Variants in LARGE1 observed in about 807,000 individuals in gnomAD.
LARGE1 encodes the protein xylosyl- and glucuronyltransferase LARGE1.
In LARGE1, 43 loss-of-function variants were observed where a neutral mutation model predicts 87.6. The observed-to-expected ratio is 0.49, with a 90% CI of 0.38 to 0.63. The LOEUF is 0.63. LARGE1 is among the 30% of genes least tolerant of loss of function. The probability of loss-of-function intolerance (pLI) is 0.00; values close to 1 mark genes in which losing one functional copy is unlikely to be tolerated. For synonymous variants in LARGE1, 434 were observed against 394.6 expected, an observed-to-expected ratio of 1.10 and a Z score of -1.18; for missense variants, 802 against 1,000.2, an observed-to-expected ratio of 0.80 and a Z score of 2.67.
chr22:33,303,020 A>G (rs1015556720), intron 12 of LARGE1, among the ~76,000 whole-genome samples: 2 of 152,208 alleles, frequency 1.3e-5, no homozygotes, highest in African/African-American at 4.8e-5. Context: ...GGCAGTAAAT[A>G]AAGGATTTTT....
chr22:33,499,843 G>A (rs556308412), intron 6 of LARGE1, among the ~76,000 whole-genome samples: 2 of 152,118 alleles, frequency 1.3e-5, no homozygotes, highest in Non-Finnish European at 1.5e-5. Flanking sequence ...GTGCAATCTC[G>A]GCTCACTGCA....
chr22:33,875,701 C>A (rs73154546), intron 1 of LARGE1, among the ~76,000 whole-genome samples: 3,752 of 152,270 alleles, frequency 0.025, 78 homozygotes, highest in Middle Eastern at 0.058. Flanking sequence ...TGGGAGGAAG[C>A]CGCCTGATTT....
intron 6 of LARGE1, among the ~76,000 whole-genome samples, chr22:33,495,514 T>C (rs1193085762): frequency 6.6e-6 from 1 of 151,638 alleles, no homozygotes; most frequent in Non-Finnish European, 1.5e-5. Flanking sequence ...AGGTCAGGAG[T>C]TCGAGACCAG....
At chr22:33,693,854 A>G (rs773515236) in intron 2 of LARGE1, among the ~76,000 whole-genome samples, 30 of 152,094 alleles carry the variant, frequency 2.0e-4, no homozygotes, top group Non-Finnish European at 2.9e-4. Flanking sequence ...AAGAGAGAGA[A>G]AAAAGAAAAG....
At chr22:33,413,228 G>A (rs1035084577) in intron 7 of LARGE1, among the ~76,000 whole-genome samples, 1 of 152,118 alleles carries the variant, frequency 6.6e-6, no homozygotes, top group Non-Finnish European at 1.5e-5. Flanking sequence ...CTATAGTGGA[G>A]TTTTAAAGCA....
chr22:33,613,484 T>C (rs2149021781), intron 4 of LARGE1, among the ~76,000 whole-genome samples: 1 of 152,314 alleles, frequency 6.6e-6, no homozygotes, highest in South Asian at 2.1e-4. Flanking sequence ...ACAATTCTAC[T>C]ACACACAAGT....
At chr22:33,168,984 CA>C (rs1922416183) in intron 11 of LARGE1, among the ~76,000 whole-genome samples, 1 of 152,136 alleles carries the variant, frequency 6.6e-6, no homozygotes, top group Non-Finnish European at 1.5e-5. Context: ...ACTTGGCCTA[CA>C]GTGCAAGGCC....
Position 33,226,652 on chromosome 22 carries a change from CTT to C in LARGE1, c.1731-59822_1731-59821del, listed in dbSNP as rs1297390021. ...CAAGAGGAAGCAACAAAATAAAAAA[CTT>C]AACGAAAACATCTCACTAGAGATGC... On this transcript the variant is annotated intron_variant, in intron 11 of 11. Coordinates refer to the LARGE1 transcript ENST00000608642. 3.3e-5 allele frequency among the ~76,000 whole-genome samples: 5 copies of C among 152,292 alleles called. No homozygotes were observed. In the East Asian group the frequency reaches 9.6e-4, roughly 29 times the overall value.
the LARGE1 span, among the ~76,000 whole-genome samples, chr22:33,148,543 C>A: frequency 1.3e-5 from 2 of 152,114 alleles, no homozygotes; most frequent in African/African-American, 2.4e-5. Flanking sequence ...AATATTCATG[C>A]GCAAGTTTTG....
At chr22:33,283,640 G>A (rs1423115154) in intron 12 of LARGE1, among the ~76,000 whole-genome samples, 1 of 152,096 alleles carries the variant, frequency 6.6e-6, no homozygotes, top group Non-Finnish European at 1.5e-5. Flanking sequence ...GGTGGGGCAT[G>A]GTGGCACACA....
At chr22:33,306,625 C>T (rs991707052) in intron 11 of LARGE1, among the ~76,000 whole-genome samples, 9 of 152,228 alleles carry the variant, frequency 5.9e-5, no homozygotes, top group Non-Finnish European at 1.2e-4. Context: ...GTAATCCCAG[C>T]ACTTTGGGAG....
At chr22:33,603,656 A>G (rs1187106365) in intron 5 of LARGE1, among the ~76,000 whole-genome samples, 2 of 152,186 alleles carry the variant, frequency 1.3e-5, no homozygotes, top group African/African-American at 4.8e-5. Flanking sequence ...AACACAGAAG[A>G]GGGGGCAAAG....
intron 6 of LARGE1, among the ~76,000 whole-genome samples, chr22:33,489,557 A>G (rs2069733789): frequency 6.6e-6 from 1 of 151,958 alleles, no homozygotes; most frequent in Non-Finnish European, 1.5e-5. Context: ...AATAAATCTC[A>G]CCAGATCTGA....
intron 1 of LARGE1, among the ~76,000 whole-genome samples, chr22:33,768,946 C>T (rs2084986103): frequency 6.6e-6 from 1 of 152,186 alleles, no homozygotes; most frequent in South Asian, 2.1e-4. Flanking sequence ...TTTGAGAAGC[C>T]TGTACTAAAG....
intron 10 of LARGE1, among the ~76,000 whole-genome samples, chr22:33,327,122 C>T (rs560652777): frequency 6.6e-6 from 1 of 152,338 alleles, no homozygotes; most frequent in Admixed American, 6.5e-5. Context: ...TGAGATACAG[C>T]TGTTTCCACA....
chr22:33,133,607 CTT>C, the LARGE1 span, among the ~76,000 whole-genome samples: 1 of 152,158 alleles, frequency 6.6e-6, no homozygotes, highest in Non-Finnish European at 1.5e-5. Flanking sequence ...GGTTCCAACT[CTT>C]TGCTGTTGTG....
chr22:33,282,237 C>G (rs1282744503), intron 13 of LARGE1, among the ~76,000 whole-genome samples: 1 of 152,204 alleles, frequency 6.6e-6, no homozygotes, highest in Admixed American at 6.5e-5. Flanking sequence ...CCCAGCTACT[C>G]AGGTGACTGA....
At chr22:33,269,395 G>C (rs1928126126), downstream of LARGE1, among the ~76,000 whole-genome samples, 1 of 152,186 alleles carries the variant, frequency 6.6e-6, no homozygotes, top group Admixed American at 6.5e-5. Flanking sequence ...GCACTTACAT[G>C]AAAGTAGACT....
intron 10 of LARGE1, among the ~76,000 whole-genome samples, chr22:33,331,907 C>T (rs921656748): frequency 4.6e-5 from 7 of 152,110 alleles, no homozygotes; most frequent in Non-Finnish European, 7.4e-5. Flanking sequence ...AAGTCTTCCT[C>T]GATGCACCTT....
Sources: allele counts gnomAD v4.1 joint callset (sites outside exome capture counted in the v4.1 genomes callset), GRCh38; gene constraint gnomAD v4.1.1; transcripts MANE v1.5; gene names NCBI Gene and HGNC (gene_info 2026-07-23, HGNC 2026-07-21).